KIAA0825: variants seen among roughly 807,000 people sequenced by gnomAD.
The protein encoded by KIAA0825 is uncharacterized protein KIAA0825.
In KIAA0825, 119 loss-of-function variants were observed where a neutral mutation model predicts 147.6. That is an observed-to-expected ratio of 0.81 (90% CI 0.69 to 0.94). The LOEUF is 0.94. KIAA0825 is among the 40% of genes least tolerant of loss of function. KIAA0825 has a pLI of 0.00. For missense variants in KIAA0825, 1,381 were observed against 1,472.7 expected (o/e 0.94, Z 1.02); for synonymous variants, 470 against 518.1 (o/e 0.91, Z 1.26).
chr5:94,435,897 A>G (rs981172807), intron 14 of KIAA0825, among the ~76,000 whole-genome samples: 2 of 151,838 alleles, frequency 1.3e-5, no homozygotes, highest in Admixed American at 6.6e-5. Context: ...TTTTTTTCAT[A>G]TAACTGTTGG....
chr5:94,599,960 C>T (rs945857398), intron 1 of KIAA0825, among the ~76,000 whole-genome samples: 4 of 152,090 alleles, frequency 2.6e-5, no homozygotes, highest in African/African-American at 7.2e-5. Flanking sequence ...AAGGGGGGAA[C>T]TAGTACAACT....
intron 20 of KIAA0825, among the ~76,000 whole-genome samples, chr5:94,276,419 T>C (rs1036651324): frequency 1.1e-4 from 17 of 152,114 alleles, no homozygotes; most frequent in African/African-American, 4.1e-4. Flanking sequence ...TGATTTCACA[T>C]AGAATATGGA....
chr5:94,314,354 T>C (rs1251671061), intron 20 of KIAA0825, among the ~76,000 whole-genome samples: 1 of 151,648 alleles, frequency 6.6e-6, no homozygotes, highest in Non-Finnish European at 1.5e-5. Flanking sequence ...TTCAAAAGCA[T>C]TTCAACTTGA....
At chr5:94,204,506 A>G (rs765623855) in intron 20 of KIAA0825, among the ~76,000 whole-genome samples, 1 of 152,194 alleles carries the variant, frequency 6.6e-6, no homozygotes, top group Non-Finnish European at 1.5e-5. Flanking sequence ...AAACAAATGG[A>G]AAAAACTAAA....
In KIAA0825 at chr5:94,477,192, T is replaced by G. The variant is rs1761990459; in HGVS notation, c.1146A>C (p.Lys382Asn). 23 of 1,549,134 alleles carry G rather than the reference T, an allele frequency of 1.5e-5. No homozygotes were observed. Among genetic ancestry groups the G allele is most frequent in the Non-Finnish European group, 1.9e-5 (22 of 1,145,804 alleles). The change falls in exon 7 of 21, where the codon AAA becomes AAC. Residue 382 changes from lysine (K) to asparagine (N), a missense_variant. By Grantham distance (94) the Lys-to-Asn change is moderately conservative. Transcript: ENST00000682413. ...TTTCCATTACAACCTCTCTATCGGA[T>G]TTCTCCAAAATTCCTAAGCAATAGA... ...ITRDTSGILEKSDREVVMEKP... is the reference protein window; with the variant it reads ...ITRDTSGILENSDREVVMEKP...
chr5:94,243,283 T>A (rs145396600), intron 20 of KIAA0825, among the ~76,000 whole-genome samples: 101 of 152,318 alleles, frequency 6.6e-4, no homozygotes, highest in African/African-American at 1.9e-3. Flanking sequence ...ACAACTGTAA[T>A]TGCCTTTGGT....
intron 20 of KIAA0825, among the ~76,000 whole-genome samples, chr5:94,331,461 A>G (rs916073564): frequency 1.3e-5 from 2 of 152,224 alleles, no homozygotes; most frequent in African/African-American, 4.8e-5. Context: ...TTTAGTCCCA[A>G]ATGGTTTCAC....
At chr5:94,575,075 T>C (rs987866790) in intron 2 of KIAA0825, among the ~76,000 whole-genome samples, 1 of 151,934 alleles carries the variant, frequency 6.6e-6, no homozygotes, top group Non-Finnish European at 1.5e-5. Context: ...TGGATGAAAA[T>C]AGTGAAAGAT....
chr5:94,535,687 C>T (rs1233267550), intron 3 of KIAA0825, among the ~76,000 whole-genome samples: 2 of 151,998 alleles, frequency 1.3e-5, no homozygotes, highest in African/African-American at 4.8e-5. Context: ...GAGATAGCTC[C>T]CCAATCTCCC....
chr5:94,538,520 C>T (rs1281793775), intron 2 of KIAA0825, among the ~76,000 whole-genome samples: 1 of 152,162 alleles, frequency 6.6e-6, no homozygotes, highest in Non-Finnish European at 1.5e-5. Flanking sequence ...GCATTTGATT[C>T]CAGGAAAGCT....
At chr5:94,285,967 C>A (rs375075378) in intron 20 of KIAA0825, among the ~76,000 whole-genome samples, 3 of 152,166 alleles carry the variant, frequency 2.0e-5, no homozygotes, top group Non-Finnish European at 4.4e-5. Flanking sequence ...AGTCACATAT[C>A]AGCCAACACC....
chr5:94,177,386 G>A (rs1769199782), intron 20 of KIAA0825, among the ~76,000 whole-genome samples: 1 of 151,914 alleles, frequency 6.6e-6, no homozygotes, highest in Non-Finnish European at 1.5e-5. Flanking sequence ...TCTTTTATGG[G>A]TTCTTCTTTT....
At chr5:94,430,327 G>T (rs1228198485) in intron 14 of KIAA0825, among the ~76,000 whole-genome samples, 8 of 152,102 alleles carry the variant, frequency 5.3e-5, no homozygotes, top group African/African-American at 1.9e-4. Context: ...GTTGAATGGA[G>T]AATTTACTCA....
chr5:94,589,176 C>G (rs1270898408), intron 1 of KIAA0825, among the ~76,000 whole-genome samples: 1 of 151,956 alleles, frequency 6.6e-6, no homozygotes, highest in Non-Finnish European at 1.5e-5. Flanking sequence ...GAAACAACAA[C>G]AACAAAAAAA....
At chr5:94,526,378 G>C (rs1769280413) in intron 3 of KIAA0825, among the ~76,000 whole-genome samples, 1 of 151,962 alleles carries the variant, frequency 6.6e-6, no homozygotes, top group Non-Finnish European at 1.5e-5. Flanking sequence ...GGTACACAGA[G>C]AGCTTTAGCT....
At chr5:94,482,624 A>G (rs1288372445) in intron 6 of KIAA0825, among the ~76,000 whole-genome samples, 1 of 152,076 alleles carries the variant, frequency 6.6e-6, no homozygotes, top group Admixed American at 6.6e-5. Context: ...AATGCTTTTG[A>G]TAAGAATTGA....
chr5:94,538,123 G>A (rs1225187633), intron 2 of KIAA0825, among the ~76,000 whole-genome samples: 1 of 152,198 alleles, frequency 6.6e-6, no homozygotes, highest in African/African-American at 2.4e-5. Flanking sequence ...CCCTCATGGA[G>A]TTTTTATTCT....
intron 2 of KIAA0825, among the ~76,000 whole-genome samples, chr5:94,541,021 G>A (rs554933601): frequency 1.2e-4 from 18 of 152,262 alleles, no homozygotes; most frequent in African/African-American, 4.1e-4. Flanking sequence ...AGGACAAGTC[G>A]GAAGGTCCAA....
At chr5:94,416,895 A>G in intron 15 of KIAA0825, 1 of 229,684 alleles carries the variant, frequency 4.4e-6, no homozygotes, top group South Asian at 7.6e-5. Flanking sequence ...TATATGCTCA[A>G]TAGCAAAACA....
Sources: allele counts gnomAD v4.1 joint callset (sites outside exome capture counted in the v4.1 genomes callset), GRCh38; gene constraint gnomAD v4.1.1; transcripts MANE v1.5; gene names NCBI Gene and HGNC (gene_info 2026-07-23, HGNC 2026-07-21).